The following ZNF529 variants were observed in gnomAD, a reference collection of about 807,000 sequenced individuals.
ZNF529 encodes the protein zinc finger protein 529.
ZNF529 carries 11 observed loss-of-function variants against 10.1 expected under a neutral mutation model. The ratio of observed to expected loss-of-function variants is 1.09; its 90% CI spans 0.69 to 1.81. The LOEUF (loss-of-function observed/expected upper bound fraction) is 1.81. Among genes scored for constraint, ZNF529 ranks in the 40% most tolerant of loss-of-function variants. ZNF529 has a pLI of 0.00. For missense variants in ZNF529, 624 were observed against 666.8 expected, an observed-to-expected ratio of 0.94 and a Z score of 0.71; for synonymous variants, 204 against 215.7, an observed-to-expected ratio of 0.95 and a Z score of 0.47.
chr19:36,592,994 GA>G (rs979551891), intron 1 of ZNF529, among the ~76,000 whole-genome samples: 18 of 152,064 alleles, frequency 1.2e-4, no homozygotes, highest in African/African-American at 4.3e-4. Context: ...ATAATATAGT[GA>G]TGAAATATTA....
chr19:36,556,244 G>A, intron 2 of ZNF529, 47 bp from the exon 3 acceptor site: 1 of 766,142 alleles, frequency 1.3e-6, no homozygotes, highest in Non-Finnish European at 2.3e-6. Flanking sequence ...AAAGTCTCTG[G>A]AAATGGTGCT....
At chr19:36,601,658 C>G (rs1402654917) in intron 1 of ZNF529, among the ~76,000 whole-genome samples, 1 of 151,968 alleles carries the variant, frequency 6.6e-6, no homozygotes, top group African/African-American at 2.4e-5. Context: ...TTAATAGTAA[C>G]TTTGCTAATC....
chr19:36,593,439 G>C (rs2036771987), intron 1 of ZNF529, among the ~76,000 whole-genome samples: 1 of 152,170 alleles, frequency 6.6e-6, no homozygotes, highest in African/African-American at 2.4e-5. Flanking sequence ...AAAGTGCTGG[G>C]ATTACAGGCA....
At chr19:36,596,258 G>C (rs537445181) in intron 1 of ZNF529, among the ~76,000 whole-genome samples, 2 of 151,494 alleles carry the variant, frequency 1.3e-5, no homozygotes, top group East Asian at 1.9e-4. Flanking sequence ...ATTTTTAGTA[G>C]AGACAGGGTT....
At chr19:36,576,870 G>C (rs559654941), upstream of ZNF529, among the ~76,000 whole-genome samples, 1 of 151,806 alleles carries the variant, frequency 6.6e-6, no homozygotes, top group Non-Finnish European at 1.5e-5. Flanking sequence ...TCTATGTAGT[G>C]AGTACTCAGG....
intron 4 of ZNF529, chr19:36,552,115 C>CT (rs1219006087): frequency 6.6e-6 from 1 of 152,036 alleles, no homozygotes; most frequent in African/African-American, 2.4e-5. Context: ...GCTTTTGTTT[C>CT]TTTTTTTAAA....
intron 2 of ZNF529, among the ~76,000 whole-genome samples, chr19:36,563,446 G>A (rs2035787110): frequency 6.6e-6 from 1 of 151,566 alleles, no homozygotes; most frequent in South Asian, 2.1e-4. Flanking sequence ...AGTTGTCTAT[G>A]GGTGACTCAG....
rs760197648 is a variant in ZNF529 at position 36,547,843 on chromosome 19, A to G, written c.715T>C (p.Tyr239His). 6.2e-7 allele frequency: 1 copy of G among 1,610,752 alleles called. No homozygotes were observed. Among genetic ancestry groups the G allele is most frequent in the East Asian group, 2.2e-5 (1 of 44,824 alleles). ...YMEYGNTCSF[Y>H]KDFNVYQKIH... ...TTCTGGTATACATTAAAGTCTTTAT[A>G]AAAACTACATGTATTCCCATATTCC... is the stretch of plus-strand genomic sequence containing the variant. Residue 239 changes from tyrosine to histidine, a missense_variant, in exon 5 of 5, where the codon TAT becomes CAT. Physicochemically the swap from Tyr to His is moderately conservative, Grantham distance 83. Transcript: ENST00000591340.
intron 2 of ZNF529, among the ~76,000 whole-genome samples, chr19:36,584,716 G>A (rs560558030): frequency 4.0e-5 from 6 of 150,880 alleles, no homozygotes; most frequent in South Asian, 2.1e-4. Context: ...GCAGTGAACC[G>A]AGATTGCCCC....
intron 2 of ZNF529, chr19:36,580,758 C>T (rs756394010): frequency 7.9e-5 from 12 of 152,128 alleles, no homozygotes; most frequent in Admixed American, 1.3e-4. Flanking sequence ...GTAATCAGCT[C>T]TTCATATATG....
At chr19:36,603,521 G>T (rs576609044) in intron 1 of ZNF529, among the ~76,000 whole-genome samples, 1 of 152,246 alleles carries the variant, frequency 6.6e-6, no homozygotes, top group South Asian at 2.1e-4. Context: ...AAATCAAAAT[G>T]ACCTCCAGCT....
chr19:36,548,875 C>T (rs1004631906), intron 4 of ZNF529, among the ~76,000 whole-genome samples: 5 of 152,132 alleles, frequency 3.3e-5, no homozygotes, highest in African/African-American at 7.2e-5. Flanking sequence ...TGATGGCATG[C>T]GCCTGTAGTC....
At chr19:36,560,328 A>G (rs1015384282) in intron 2 of ZNF529, among the ~76,000 whole-genome samples, 4 of 151,884 alleles carry the variant, frequency 2.6e-5, no homozygotes, top group South Asian at 2.1e-4. Context: ...GTATACATAT[A>G]TATCTCTTCT....
chr19:36,544,834 C>A lies in ZNF529; in HGVS notation c.*2032G>T, dbSNP rs2034952090. On this transcript the variant is annotated 3_prime_UTR_variant, in exon 5 of 5. Transcript: ENST00000591340. ...TAATCATTCACACCGTTATAGAGTACATAAATTCTGGGAAAGACATCAGTT... is the reference window on the plus strand; with the variant it reads ...TAATCATTCACACCGTTATAGAGTAAATAAATTCTGGGAAAGACATCAGTT... 6.6e-6 allele frequency: 1 copy of A among 152,130 alleles called. No homozygotes were observed. The highest frequency in any genetic ancestry group is 1.5e-5 in the Non-Finnish European group (1 of 68,024). The allele number at this position is 152,130 out of a possible 1,614,324, so 9.4% of individuals were successfully genotyped here. A position where few individuals can be genotyped will look rare whatever the true frequency, so the allele number is the denominator to read the frequency against.
At chr19:36,591,522 A>T (rs1382927756) in intron 1 of ZNF529, among the ~76,000 whole-genome samples, 3 of 151,688 alleles carry the variant, frequency 2.0e-5, no homozygotes, top group Non-Finnish European at 4.4e-5. Context: ...GATCGAGACC[A>T]TCCTGGCTAA....
chr19:36,551,773 G>A (rs1481382008), intron 4 of ZNF529: 1 of 152,144 alleles, frequency 6.6e-6, no homozygotes, highest in Non-Finnish European at 1.5e-5. Flanking sequence ...AGACCACAGA[G>A]ATTGGTTTCT....
At chr19:36,602,953 C>T (rs1004512716) in intron 1 of ZNF529, among the ~76,000 whole-genome samples, 53 of 140,290 alleles carry the variant, frequency 3.8e-4, no homozygotes, top group Admixed American at 3.3e-3. Context: ...AAAAAAAACA[C>T]GTGATGCGGC....
At chr19:36,592,047 G>T (rs1451617119) in intron 1 of ZNF529, among the ~76,000 whole-genome samples, 21 of 151,860 alleles carry the variant, frequency 1.4e-4, no homozygotes, top group Admixed American at 1.4e-3. Context: ...GCCATAGCGG[G>T]TGGATCACTT....
chr19:36,557,700 A>G (rs1191958119), intron 2 of ZNF529, among the ~76,000 whole-genome samples: 1 of 152,230 alleles, frequency 6.6e-6, no homozygotes, highest in Non-Finnish European at 1.5e-5. Flanking sequence ...TACCAATAAC[A>G]AGCCCTGAGG....
Sources: gnomAD v4.1 joint callset for allele counts (sites outside exome capture counted in the v4.1 genomes callset) on GRCh38, gnomAD v4.1.1 for gene constraint, MANE v1.5 for transcripts, NCBI Gene and HGNC (gene_info 2026-07-23, HGNC 2026-07-21) for gene names.